The following EYS variants were observed in gnomAD, a reference collection of about 807,000 sequenced individuals.
EYS encodes the protein EGF-like photoreceptor maintenance factor.
In EYS, 250 loss-of-function variants were observed where a neutral mutation model predicts 282.1. The ratio of observed to expected loss-of-function variants is 0.89; its 90% CI spans 0.80 to 0.98. The LOEUF (loss-of-function observed/expected upper bound fraction) is 0.98, where lower values mean the gene tolerates loss of function less well. EYS is among the 50% of genes least tolerant of loss of function. The pLI, the probability that EYS is intolerant of heterozygous loss-of-function variation, is 0.00. For missense variants in EYS, 4,016 were observed against 3,709.0 expected (o/e 1.08, Z -2.15); for synonymous variants, 1,355 against 1,282.9 (o/e 1.06, Z -1.20).
chr6:64,646,785 A>T (rs1768369823), intron 22 of EYS, among the ~76,000 whole-genome samples: 1 of 151,822 alleles, frequency 6.6e-6, no homozygotes, highest in African/African-American at 2.4e-5. Context: ...AGCTCTGGCG[A>T]CAGAGCGAGA....
chr6:63,900,016 A>G (rs1000381828), intron 35 of EYS, among the ~76,000 whole-genome samples: 18 of 152,212 alleles, frequency 1.2e-4, no homozygotes, highest in Admixed American at 7.9e-4. Context: ...CCTATTGTCA[A>G]TTGATGGCCT....
chr6:64,621,325 C>T (rs1047985326), intron 23 of EYS, among the ~76,000 whole-genome samples: 18 of 152,064 alleles, frequency 1.2e-4, no homozygotes, highest in African/African-American at 3.9e-4. Context: ...TTTTCCCTCT[C>T]TGCCCATAGT....
At chr6:65,111,359 G>T (rs2150189196) in intron 12 of EYS, among the ~76,000 whole-genome samples, 1 of 151,726 alleles carries the variant, frequency 6.6e-6, no homozygotes, top group South Asian at 2.1e-4. Context: ...GTTTGTTTTG[G>T]TTTGTTCCAA....
At chr6:64,396,701 C>T (rs576462080) in intron 28 of EYS, among the ~76,000 whole-genome samples, 2 of 152,044 alleles carry the variant, frequency 1.3e-5, no homozygotes, top group African/African-American at 2.4e-5. Flanking sequence ...TCTGCAGTAT[C>T]GCTTCTGTCA....
chr6:65,498,804 G>C, intron 2 of EYS, among the ~76,000 whole-genome samples: 1 of 151,872 alleles, frequency 6.6e-6, no homozygotes, highest in East Asian at 1.9e-4. Flanking sequence ...GACCCCAAAG[G>C]TATGATGTTA....
At chr6:64,377,839 G>C (rs938757572) in intron 29 of EYS, 3 of 152,046 alleles carry the variant, frequency 2.0e-5, no homozygotes, top group Non-Finnish European at 4.4e-5. Context: ...TGCTGACTGG[G>C]TTCAAATCCT....
intron 19 of EYS, among the ~76,000 whole-genome samples, chr6:64,854,211 A>G (rs1325228369): frequency 6.6e-6 from 1 of 152,182 alleles, no homozygotes; most frequent in Non-Finnish European, 1.5e-5. Context: ...AATGATCTAC[A>G]ACTAGAAATA....
intron 2 of EYS, among the ~76,000 whole-genome samples, chr6:65,541,944 G>A (rs1022527953): frequency 6.6e-6 from 1 of 152,088 alleles, no homozygotes; most frequent in Non-Finnish European, 1.5e-5. Context: ...TAGAAGGTTT[G>A]ATTTTCTAAT....
At chr6:64,161,388 G>GGTAATAAACAAAT (rs1775101563) in intron 31 of EYS, among the ~76,000 whole-genome samples, 1 of 152,170 alleles carries the variant, frequency 6.6e-6, no homozygotes, top group South Asian at 2.1e-4. Context: ...TCTCCCATCA[G>GGTAATAAACAAAT]TAGGAAGCTG....
At chr6:65,596,903 C>T (rs569332813) in intron 2 of EYS, among the ~76,000 whole-genome samples, 420 of 151,748 alleles carry the variant, frequency 2.8e-3, no homozygotes, top group Middle Eastern at 0.01. Flanking sequence ...CTAACAGAAC[C>T]AAGTCATTAA....
intron 2 of EYS, among the ~76,000 whole-genome samples, chr6:65,565,943 T>C (rs1343012058): frequency 6.6e-6 from 1 of 151,802 alleles, no homozygotes; most frequent in Non-Finnish European, 1.5e-5. Flanking sequence ...CACCAGGGCC[T>C]GTTGTGGGGT....
At chr6:65,214,252 T>G (rs1766255703) in intron 12 of EYS, among the ~76,000 whole-genome samples, 1 of 149,864 alleles carries the variant, frequency 6.7e-6, no homozygotes. Flanking sequence ...AGTTGTGAAT[T>G]TAAAGAAAAA....
intron 5 of EYS, among the ~76,000 whole-genome samples, chr6:65,447,859 T>G (rs1462451293): frequency 6.6e-6 from 1 of 151,914 alleles, no homozygotes; most frequent in Non-Finnish European, 1.5e-5. Flanking sequence ...TTGTCTAGCT[T>G]CATGTTGGCA....
chr6:65,423,291 T>A (rs1767535148), intron 5 of EYS, among the ~76,000 whole-genome samples: 1 of 151,958 alleles, frequency 6.6e-6, no homozygotes, highest in African/African-American at 2.4e-5. Context: ...GAGAATTTTG[T>A]ATTCAAAATG....
chr6:64,072,183 G>C (rs1240999087), intron 32 of EYS, among the ~76,000 whole-genome samples: 2 of 151,878 alleles, frequency 1.3e-5, no homozygotes, highest in African/African-American at 4.8e-5. Flanking sequence ...TAATAATTTA[G>C]AATAACAAAA....
intron 30 of EYS, among the ~76,000 whole-genome samples, chr6:64,274,481 G>GTGTTT (rs1768042210): frequency 2.2e-5 from 2 of 92,228 alleles, no homozygotes; most frequent in Admixed American, 1.4e-4. Context: ...ACGCCTGGCC[G>GTGTTT]TTTTTTTTTT....
chr6:63,917,157 C>T (rs533674549), intron 35 of EYS, among the ~76,000 whole-genome samples: 23 of 152,292 alleles, frequency 1.5e-4, no homozygotes, highest in Admixed American at 4.6e-4. Context: ...TACACGTGCA[C>T]GCGCGTGCAT....
At chr6:63,996,960 T>C (rs1049263873) in intron 34 of EYS, among the ~76,000 whole-genome samples, 23 of 152,316 alleles carry the variant, frequency 1.5e-4, no homozygotes, top group African/African-American at 5.1e-4. Flanking sequence ...TTAACCCCTT[T>C]GGTGTCAATC....
intron 12 of EYS, among the ~76,000 whole-genome samples, chr6:65,137,680 G>C (rs1287452367): frequency 6.6e-6 from 1 of 152,000 alleles, no homozygotes; most frequent in Non-Finnish European, 1.5e-5. Flanking sequence ...GAAGTAGGTA[G>C]AATCAATAAA....
Sources: allele counts gnomAD v4.1 joint callset (sites outside exome capture counted in the v4.1 genomes callset), GRCh38; gene constraint gnomAD v4.1.1; transcripts MANE v1.5; gene names NCBI Gene and HGNC (gene_info 2026-07-23, HGNC 2026-07-21).